Variants in PRKN observed in about 807,000 individuals in gnomAD.
PRKN encodes the protein E3 ubiquitin-protein ligase parkin.
A neutral mutation model predicts 59.5 loss-of-function variants in PRKN; 56 were observed. The observed-to-expected ratio is 0.94, with a 90% confidence interval of 0.76 to 1.18. The LOEUF is 1.18. Ranked by LOEUF, PRKN falls within the 50% of genes most tolerant of loss-of-function variation. The pLI is 0.00. For synonymous variants in PRKN, 250 were observed against 222.1 expected (o/e 1.13, Z -1.12); for missense variants, 657 against 596.4 (o/e 1.10, Z -1.06).
In PRKN at chr6:161,440,485, T is replaced by C. The variant is rs1488138970; in HGVS notation, c.1084-53608A>G. Among the ~76,000 whole-genome samples, 2 of 152,148 alleles carry C rather than the reference T, an allele frequency of 1.3e-5. No homozygotes were observed. The highest frequency in any genetic ancestry group is 2.9e-5 in the Non-Finnish European group (2 of 68,026). On this transcript the variant is annotated intron_variant, in intron 9 of 11. Coordinates refer to ENST00000366898, the MANE Select transcript of PRKN (RefSeq NM_004562.3). The surrounding 1 kb of genome is among the most constrained non-coding windows in gnomAD (Gnocchi z 4.1). ...GAGAAGCCTGGCATTTCCCCATTGC[T>C]GCCTCTGGGAGGCTGCCTCTCGGGA...
At chr6:162,429,101 T>C (rs1789382403) in intron 2 of PRKN, among the ~76,000 whole-genome samples, 1 of 152,200 alleles carries the variant, frequency 6.6e-6, no homozygotes. Context: ...TGTATTTGGT[T>C]GCATGTACCG....
intron 5 of PRKN, among the ~76,000 whole-genome samples, chr6:162,031,527 C>CT (rs1308962258): frequency 7.0e-6 from 1 of 142,668 alleles, no homozygotes; most frequent in Non-Finnish European, 1.5e-5. Context: ...TTTTCTTTTT[C>CT]TTTTCTTTTT....
chr6:162,391,741 C>T (rs1399323362), intron 2 of PRKN, among the ~76,000 whole-genome samples: 1 of 152,208 alleles, frequency 6.6e-6, no homozygotes, highest in African/African-American at 2.4e-5. Context: ...TGCATCACTT[C>T]CAGGCTCCTT....
chr6:161,409,496 G>A lies in PRKN; in HGVS notation c.1084-22619C>T, dbSNP rs1407017425. Among the ~76,000 whole-genome samples, 3 of 152,106 alleles carry A rather than the reference G, an allele frequency of 2.0e-5. No individual in the cohort carries two copies. The highest frequency in any genetic ancestry group is 7.2e-5 in the African/African-American group (3 of 41,394). On this transcript the variant is annotated intron_variant, in intron 9 of 11. Transcript: ENST00000366898. The surrounding 1 kb of genome is among the most constrained non-coding windows in gnomAD (Gnocchi z 4.6). ...GTCTTTCCAGAGTGCCCCTTTCTCA[G>A]GACATAGACAAGTAGCTTTCCTACT... is the stretch of plus-strand genomic sequence containing the variant.
chr6:161,679,674 AC>A (rs35685379), intron 7 of PRKN, among the ~76,000 whole-genome samples: 18,210 of 66,018 alleles, frequency 0.28, 2,508 homozygotes, highest in Admixed American at 0.52. Flanking sequence ...TAATAGAACC[AC>A]CCCCCCCCCT....
chr6:161,926,081 G>A (rs1778957878), intron 6 of PRKN, among the ~76,000 whole-genome samples: 1 of 152,154 alleles, frequency 6.6e-6, no homozygotes, highest in South Asian at 2.1e-4. Flanking sequence ...TCTATTTTAG[G>A]AACTTTTCAA....
At chr6:162,558,980 C>T (rs950443385) in intron 1 of PRKN, among the ~76,000 whole-genome samples, 1 of 151,964 alleles carries the variant, frequency 6.6e-6, no homozygotes, top group African/African-American at 2.4e-5. Context: ...GAAACCTCTT[C>T]TCTACTAAAA....
At chr6:162,567,532 A>C (rs915149974) in intron 1 of PRKN, among the ~76,000 whole-genome samples, 1 of 152,232 alleles carries the variant, frequency 6.6e-6, no homozygotes, top group Non-Finnish European at 1.5e-5. Flanking sequence ...CAATAGCCAC[A>C]CATAAAATTA....
chr6:162,720,746 G>A (rs770086283), intron 1 of PRKN, among the ~76,000 whole-genome samples: 12 of 152,082 alleles, frequency 7.9e-5, no homozygotes, highest in East Asian at 1.9e-4. Context: ...CACCGCGCCC[G>A]GCCCATAGAT....
Position 161,548,690 on chromosome 6 carries a change from TG to T in PRKN, c.1083+163del. The T allele has an allele frequency of 1.5e-6, 1 of 678,360 alleles. No individual in the cohort carries two copies. Among genetic ancestry groups the T allele is most frequent in the Non-Finnish European group, 2.5e-6 (1 of 392,714 alleles). 42.0% of individuals were successfully genotyped at this position (678,360 alleles called of 1,614,324 possible). Reference sequence around the variant, plus strand: ...AAATAAATACATAAATTTTCAAATCTGGAGTCCTATAAAGGAATTTAAAATC... The same window carrying T: ...AAATAAATACATAAATTTTCAAATCTGAGTCCTATAAAGGAATTTAAAATC... On this transcript the variant is annotated intron_variant, in intron 9 of 11. Transcript: ENST00000366898. The surrounding 1 kb of genome is among the most constrained non-coding windows in gnomAD (Gnocchi z 4.2).
intron 4 of PRKN, among the ~76,000 whole-genome samples, chr6:162,101,440 G>A (rs533083584): frequency 5.3e-5 from 8 of 151,756 alleles, no homozygotes; most frequent in South Asian, 4.2e-4. Flanking sequence ...AGGCCGAGTC[G>A]GGCGGAACAC....
intron 3 of PRKN, among the ~76,000 whole-genome samples, chr6:162,220,249 C>G (rs1187249390): frequency 6.6e-6 from 1 of 152,084 alleles, no homozygotes; most frequent in Non-Finnish European, 1.5e-5. Context: ...TAGAAAATAT[C>G]CTTCCCATTC....
At position 161,544,858 on chromosome 6, in the gene PRKN, C is replaced by A. The variant is rs1779739241; in HGVS notation, c.1083+3996G>T. Among the ~76,000 whole-genome samples, 1 of 152,148 alleles carries A rather than the reference C, an allele frequency of 6.6e-6. No individual in the cohort carries two copies. The highest frequency in any genetic ancestry group is 6.5e-5 in the Admixed American group (1 of 15,268). ...GCAAAGTGTCTGGAATCTGATTTTCCAATGGACATTCCCATATGTTTGAAC... is the reference window on the plus strand; with the variant it reads ...GCAAAGTGTCTGGAATCTGATTTTCAAATGGACATTCCCATATGTTTGAAC... On this transcript the variant is annotated intron_variant, in intron 9 of 11. Coordinates refer to ENST00000366898, the MANE Select transcript of PRKN (RefSeq NM_004562.3). The surrounding 1 kb of genome is among the most constrained non-coding windows in gnomAD (Gnocchi z 5.5).
intron 5 of PRKN, among the ~76,000 whole-genome samples, chr6:162,027,397 T>A (rs1239223062): frequency 6.6e-6 from 1 of 152,182 alleles, no homozygotes; most frequent in African/African-American, 2.4e-5. Flanking sequence ...CCTCTGGGCA[T>A]CTATCCTGTC....
chr6:162,258,871 T>C (rs1295389351), intron 3 of PRKN, among the ~76,000 whole-genome samples: 2 of 152,210 alleles, frequency 1.3e-5, no homozygotes, highest in African/African-American at 2.4e-5. Flanking sequence ...TGGTTCTTCA[T>C]GTACATCATG....
At chr6:162,617,343 C>T (rs981883805) in intron 1 of PRKN, among the ~76,000 whole-genome samples, 1 of 152,136 alleles carries the variant, frequency 6.6e-6, no homozygotes, top group East Asian at 1.9e-4. Flanking sequence ...GCTATTCTCC[C>T]ACCTCAGCCG....
rs1781228672 is a variant in PRKN at position 161,578,737 on chromosome 6, G to C, written c.872-9321C>G. The stretch of plus-strand genomic sequence containing the variant: ...CGCTGCTCTGCAATAGATTTTCTGT[G>C]GTCATTTGGGAGGTTTGAGACAGAG... On this transcript the variant is annotated intron_variant, in intron 7 of 11. Coordinates refer to ENST00000366898, the MANE Select transcript of PRKN (RefSeq NM_004562.3). This position sits in a 1 kb window ranked among gnomAD's most constrained non-coding sequence, Gnocchi z 4.2. Among the ~76,000 whole-genome samples, 1 of 152,158 alleles carries C rather than the reference G, an allele frequency of 6.6e-6. No homozygotes were observed. Among genetic ancestry groups the C allele is most frequent in the Non-Finnish European group, 1.5e-5 (1 of 68,026 alleles).
intron 7 of PRKN, among the ~76,000 whole-genome samples, chr6:161,763,115 A>C (rs908896518): frequency 6.6e-6 from 1 of 152,168 alleles, no homozygotes; most frequent in Non-Finnish European, 1.5e-5. Flanking sequence ...TAGAAAACTT[A>C]TGTGTCATTC....
intron 1 of PRKN, chr6:162,569,730 C>G (rs1259980188): frequency 5.5e-6 from 3 of 541,644 alleles, no homozygotes; most frequent in Non-Finnish European, 1.0e-5. Flanking sequence ...CCTAAGTGAA[C>G]AGCTGCGACA....
Sources: gnomAD v4.1 joint callset for allele counts (sites outside exome capture counted in the v4.1 genomes callset) on GRCh38, gnomAD v4.1.1 for gene constraint, Gnocchi (gnomAD v3.1) non-coding constraint, MANE v1.5 for transcripts, NCBI Gene and HGNC (gene_info 2026-07-23, HGNC 2026-07-21) for gene names.